The following PALLD variants were observed in gnomAD, a reference collection of about 807,000 sequenced individuals.
PALLD encodes the protein palladin, cytoskeletal associated protein.
A neutral mutation model predicts 123.5 loss-of-function variants in PALLD; 61 were observed. The ratio of observed to expected loss-of-function variants is 0.49; its 90% CI spans 0.40 to 0.61. The LOEUF is 0.61. PALLD is among the 20% of genes least tolerant of loss of function. The probability of loss-of-function intolerance (pLI) is 0.00; values close to 1 mark genes in which losing one functional copy is unlikely to be tolerated. For missense variants in PALLD, 1,273 were observed against 1,377.0 expected (o/e 0.92, Z 1.20); for synonymous variants, 465 against 496.4 (o/e 0.94, Z 0.84).
intron 2 of PALLD, among the ~76,000 whole-genome samples, chr4:168,538,417 C>T (rs1298997274): frequency 1.3e-5 from 2 of 150,982 alleles, no homozygotes; most frequent in African/African-American, 4.9e-5. Context: ...CATGACATTC[C>T]AAGTTCAGAA....
intron 13 of PALLD, 148 bp downstream of exon 13, chr4:168,896,747 C>T: frequency 3.4e-6 from 2 of 588,450 alleles, no homozygotes; most frequent in Non-Finnish European, 2.9e-6. Flanking sequence ...ATATCAGATA[C>T]ACAAAATTAC....
chr4:168,914,366 C>T (rs1051481253), intron 16 of PALLD, among the ~76,000 whole-genome samples: 2 of 152,218 alleles, frequency 1.3e-5, no homozygotes, highest in Admixed American at 6.5e-5. Flanking sequence ...ACTTCTGTAA[C>T]CAACAGCTGT....
intron 3 of PALLD, among the ~76,000 whole-genome samples, chr4:168,679,832 C>A: frequency 6.6e-6 from 1 of 151,904 alleles, no homozygotes; most frequent in East Asian, 1.9e-4. Flanking sequence ...GGGAGGGCAA[C>A]GATGAATTTG....
intron 2 of PALLD, among the ~76,000 whole-genome samples, chr4:168,628,245 A>G (rs1337981367): frequency 6.6e-6 from 1 of 152,232 alleles, no homozygotes; most frequent in East Asian, 1.9e-4. Flanking sequence ...ATCGTGGTGC[A>G]TTTATCCAAG....
In PALLD at chr4:168,630,105, C is replaced by T. The variant is rs139937948; in HGVS notation, c.909-38085C>T. Among the ~76,000 whole-genome samples the T allele has an allele frequency of 2.9e-3, 435 of 152,304 alleles. 5 individuals carry two copies. Among genetic ancestry groups the T allele is most frequent in the African/African-American group, 9.9e-3 (411 of 41,560 alleles). ...CCAGGCATTTTAATTAATACAATGT[C>T]CTTCCTAATTCACAGAGGAAAGATC... On this transcript the variant is annotated intron_variant, in intron 2 of 21. Transcript: ENST00000505667.
chr4:168,736,439 A>G (rs988553574), intron 10 of PALLD, among the ~76,000 whole-genome samples: 6 of 152,170 alleles, frequency 3.9e-5, no homozygotes, highest in Non-Finnish European at 5.9e-5. Context: ...CCATCTCCAG[A>G]GCAGGAAGGA....
chr4:168,764,661 T>C (rs12499664), intron 10 of PALLD, among the ~76,000 whole-genome samples: 50,948 of 151,894 alleles, frequency 0.34, 9,037 homozygotes, highest in East Asian at 0.56. Context: ...CAGGTGTCCA[T>C]GCGTTAGGCA....
chr4:168,899,982 T>C (rs1409343053), intron 14 of PALLD, among the ~76,000 whole-genome samples: 1 of 151,120 alleles, frequency 6.6e-6, no homozygotes, highest in African/African-American at 2.4e-5. Flanking sequence ...TATACAGAAG[T>C]GTAGTACCAG....
intron 2 of PALLD, among the ~76,000 whole-genome samples, chr4:168,623,655 G>A (rs781730332): frequency 1.1e-4 from 16 of 152,186 alleles, no homozygotes; most frequent in African/African-American, 3.4e-4. Flanking sequence ...AAGTGTGAAC[G>A]CATAAGGAAA....
At chr4:168,563,512 A>C (rs1392980709) in intron 2 of PALLD, among the ~76,000 whole-genome samples, 1 of 152,206 alleles carries the variant, frequency 6.6e-6, no homozygotes, top group Non-Finnish European at 1.5e-5. Flanking sequence ...AAAATATTAC[A>C]TATAAAACTA....
chr4:168,682,738 T>C (rs1269863772), intron 4 of PALLD, among the ~76,000 whole-genome samples: 1 of 152,174 alleles, frequency 6.6e-6, no homozygotes, highest in African/African-American at 2.4e-5. Context: ...GCTACTTTTC[T>C]TTTACTCATG....
At chr4:168,852,750 T>C (rs557442166) in intron 10 of PALLD, among the ~76,000 whole-genome samples, 5 of 152,244 alleles carry the variant, frequency 3.3e-5, no homozygotes, top group African/African-American at 4.8e-5. Context: ...CCTTAAGCCA[T>C]GGTAATTAGA....
Position 168,921,831 on chromosome 4 carries a change from A to G in PALLD, c.3058+90A>G, listed in dbSNP as rs199821023. On this transcript the variant is annotated intron_variant, in intron 18 of 21. Transcript: ENST00000505667. ...ATTCTACATTACTAACCAATACGGA[A>G]AATAAAGTATTGAAAAAATAGATTG... The G allele has an allele frequency of 7.0e-6, 7 of 1,001,938 alleles. No individual in the cohort carries two copies. In the East Asian group the frequency reaches 1.7e-4, roughly 25 times the overall value. 62.1% of individuals were successfully genotyped at this position (1,001,938 alleles called of 1,614,324 possible).
chr4:168,649,244 G>A (rs1304309458), intron 2 of PALLD, among the ~76,000 whole-genome samples: 1 of 152,174 alleles, frequency 6.6e-6, no homozygotes. Flanking sequence ...TGGCTGGTGT[G>A]AGTTTTTTTA....
At chr4:168,767,323 C>T (rs978316562) in intron 10 of PALLD, among the ~76,000 whole-genome samples, 1 of 152,188 alleles carries the variant, frequency 6.6e-6, no homozygotes, top group Non-Finnish European at 1.5e-5. Context: ...AGCCACTTCT[C>T]CCCTGTTCTG....
intron 10 of PALLD, among the ~76,000 whole-genome samples, chr4:168,717,217 G>A (rs1295287246): frequency 6.6e-6 from 1 of 152,100 alleles, no homozygotes. Flanking sequence ...AACAGGGCCT[G>A]ACAAATAGTA....
chr4:168,897,498 G>C (rs1755463396), intron 13 of PALLD, among the ~76,000 whole-genome samples: 1 of 152,144 alleles, frequency 6.6e-6, no homozygotes, highest in South Asian at 2.1e-4. Context: ...CCAGGCTTGA[G>C]TGCAGTGGCA....
At chr4:168,834,235 A>T (rs2150876542) in intron 10 of PALLD, among the ~76,000 whole-genome samples, 1 of 152,118 alleles carries the variant, frequency 6.6e-6, no homozygotes. Context: ...TGATTGTTGG[A>T]ATTCATGAAT....
chr4:168,903,938 T>C, intron 15 of PALLD, 32 bp downstream of exon 15: 1 of 1,592,980 alleles, frequency 6.3e-7, no homozygotes, highest in Non-Finnish European at 8.6e-7. Flanking sequence ...GGCTCAGTTC[T>C]GTGTCTAGTG....
Sources: gnomAD v4.1 joint callset for allele counts (sites outside exome capture counted in the v4.1 genomes callset) on GRCh38, gnomAD v4.1.1 for gene constraint, MANE v1.5 for transcripts, NCBI Gene and HGNC (gene_info 2026-07-23, HGNC 2026-07-21) for gene names.